Variants in CADPS observed in about 807,000 individuals in gnomAD.
CADPS encodes the protein calcium-dependent secretion activator 1.
A neutral mutation model predicts 167.3 loss-of-function variants in CADPS; 57 were observed. The observed-to-expected ratio is 0.34, with a 90% confidence interval of 0.28 to 0.42. The LOEUF (loss-of-function observed/expected upper bound fraction) is 0.42. CADPS is among the 20% of genes least tolerant of loss of function. The pLI is 1.00. For missense variants in CADPS, 1,414 were observed against 1,738.1 expected, an observed-to-expected ratio of 0.81 and a Z score of 3.32; for synonymous variants, 676 against 635.3, an observed-to-expected ratio of 1.06 and a Z score of -0.96.
chr3:62,436,285 G>T (rs1289897802), intron 28 of CADPS, among the ~76,000 whole-genome samples: 1 of 151,976 alleles, frequency 6.6e-6, no homozygotes, highest in Non-Finnish European at 1.5e-5. Context: ...GAGAACACAA[G>T]GTTATTGGTT....
At position 62,592,565 on chromosome 3, in the gene CADPS, T is replaced by A. The variant is rs193285585; in HGVS notation, c.1437+72A>T. ...AGCACTTGGCAATGCTGCCTCTTGG[T>A]GACCTGTGCACTGGAGACCTAGCTG... On this transcript the variant is annotated intron_variant, in intron 7 of 29. Coordinates refer to ENST00000383710, the MANE Select transcript of CADPS (RefSeq NM_003716.4). 400 of 1,107,524 alleles carry A rather than the reference T, an allele frequency of 3.6e-4. No homozygotes were observed. The African/African-American group carries it at 5.4e-3, about 15-fold the overall frequency. 68.6% of individuals were successfully genotyped at this position (1,107,524 alleles called of 1,614,324 possible). A position where few individuals can be genotyped will look rare whatever the true frequency, so the allele number is the denominator to read the frequency against.
At chr3:62,567,729 C>A (rs1476653942) in intron 9 of CADPS, among the ~76,000 whole-genome samples, 1 of 151,878 alleles carries the variant, frequency 6.6e-6, no homozygotes, top group Non-Finnish European at 1.5e-5. Flanking sequence ...TGCGAGCCAG[C>A]ATGCCTGGCT....
intron 7 of CADPS, among the ~76,000 whole-genome samples, chr3:62,590,236 G>A (rs532091807): frequency 6.6e-5 from 10 of 151,742 alleles, no homozygotes; most frequent in Admixed American, 1.3e-4. Flanking sequence ...CTGGGTCTTC[G>A]GAGGCTCATT....
intron 27 of CADPS, chr3:62,439,516 T>C (rs928240529): frequency 1.3e-5 from 2 of 152,180 alleles, no homozygotes; most frequent in Non-Finnish European, 2.9e-5. Flanking sequence ...GCAGGTTCCA[T>C]GATGGTCCTA....
At chr3:62,558,231 C>T (rs1317271022) in intron 9 of CADPS, among the ~76,000 whole-genome samples, 2 of 152,200 alleles carry the variant, frequency 1.3e-5, no homozygotes, top group Non-Finnish European at 2.9e-5. Flanking sequence ...CCCACAATGG[C>T]GTGGCTGTTG....
At chr3:62,808,033 C>T (rs1426181027) in intron 1 of CADPS, among the ~76,000 whole-genome samples, 1 of 151,974 alleles carries the variant, frequency 6.6e-6, no homozygotes, top group African/African-American at 2.4e-5. Context: ...ATCACCACAC[C>T]CAGCTAATTT....
At chr3:62,533,172 C>T in intron 12 of CADPS, 114 bp from the exon 13 acceptor site, 1 of 816,030 alleles carries the variant, frequency 1.2e-6, no homozygotes, top group Non-Finnish European at 1.9e-6. Flanking sequence ...AGCTAACACT[C>T]CTTGATTGCC....
chr3:62,448,063 A>G lies in CADPS; in HGVS notation c.3637-2266T>C, dbSNP rs541292525. ...TAGAATTTAAGGAATTTATTTGCTC[A>G]TGATCACAGACAGGAGGCAGAGAAG... On this transcript the variant is annotated intron_variant, in intron 26 of 29. Transcript: ENST00000383710. Among the ~76,000 whole-genome samples, 27 of 152,328 alleles carry G rather than the reference A, an allele frequency of 1.8e-4. No homozygotes were observed. The East Asian group carries it at 4.8e-3, about 27-fold the overall frequency.
chr3:62,559,257 T>C (rs940870830), intron 9 of CADPS, among the ~76,000 whole-genome samples: 19 of 152,220 alleles, frequency 1.2e-4, no homozygotes, highest in African/African-American at 4.6e-4. Flanking sequence ...CTTGATTGTA[T>C]TTTCAGTCTC....
At chr3:62,643,859 AT>A (rs2067953310) in intron 6 of CADPS, among the ~76,000 whole-genome samples, 2 of 152,278 alleles carry the variant, frequency 1.3e-5, no homozygotes, top group African/African-American at 4.8e-5. Flanking sequence ...GCAGTATAAC[AT>A]AAGAGCATGG....
intron 28 of CADPS, among the ~76,000 whole-genome samples, chr3:62,419,186 T>C (rs929540395): frequency 1.3e-5 from 2 of 152,176 alleles, no homozygotes; most frequent in African/African-American, 2.4e-5. Context: ...TCAAGATACA[T>C]AAATAATGAG....
intron 6 of CADPS, among the ~76,000 whole-genome samples, chr3:62,615,634 G>A (rs750594823): frequency 2.0e-5 from 3 of 152,072 alleles, no homozygotes; most frequent in Non-Finnish European, 4.4e-5. Context: ...AGCAGAGAAC[G>A]CTTTGGCTAA....
intron 3 of CADPS, among the ~76,000 whole-genome samples, chr3:62,662,658 C>T (rs976763127): frequency 1.3e-5 from 2 of 152,292 alleles, no homozygotes; most frequent in Non-Finnish European, 1.5e-5. Context: ...TGTTGGGCAG[C>T]AGTGTTTCTA....
At chr3:62,589,983 A>T (rs2085563585) in intron 7 of CADPS, among the ~76,000 whole-genome samples, 1 of 152,010 alleles carries the variant, frequency 6.6e-6, no homozygotes, top group East Asian at 1.9e-4. Flanking sequence ...TCAGGTTAGC[A>T]GTTCAGACCA....
intron 21 of CADPS, among the ~76,000 whole-genome samples, chr3:62,482,541 TTCTC>T (rs1459125285): frequency 1.3e-5 from 2 of 152,188 alleles, no homozygotes; most frequent in Non-Finnish European, 2.9e-5. Context: ...AATAGAAACT[TTCTC>T]TCTCAAACTA....
chr3:62,857,133 A>T (rs926464299), intron 1 of CADPS, among the ~76,000 whole-genome samples: 1 of 152,112 alleles, frequency 6.6e-6, no homozygotes, highest in Non-Finnish European at 1.5e-5. Context: ...AGCTCTTAAA[A>T]ACAAATAAGC....
intron 23 of CADPS, among the ~76,000 whole-genome samples, chr3:62,475,300 A>G (rs981524126): frequency 3.3e-5 from 5 of 152,162 alleles, no homozygotes; most frequent in Admixed American, 2.0e-4. Flanking sequence ...GAAGTGGGTG[A>G]TATCATCAAA....
At chr3:62,671,615 C>T (rs2075524358) in intron 3 of CADPS, among the ~76,000 whole-genome samples, 1 of 152,190 alleles carries the variant, frequency 6.6e-6, no homozygotes, top group South Asian at 2.1e-4. Context: ...TATTCATCCT[C>T]TCTTGCTTCC....
chr3:62,623,239 C>G (rs1158320885), intron 6 of CADPS, among the ~76,000 whole-genome samples: 1 of 152,070 alleles, frequency 6.6e-6, no homozygotes, highest in Non-Finnish European at 1.5e-5. Context: ...AGAGCTGATC[C>G]AGAAGAGAGA....
Sources: allele counts gnomAD v4.1 joint callset (sites outside exome capture counted in the v4.1 genomes callset), GRCh38; gene constraint gnomAD v4.1.1; transcripts MANE v1.5; gene names NCBI Gene and HGNC (gene_info 2026-07-23, HGNC 2026-07-21).